PDE10A: variants seen among roughly 807,000 people sequenced by gnomAD.
PDE10A encodes the protein phosphodiesterase 10A.
Under a neutral mutation model 97.7 loss-of-function variants are expected in PDE10A, and 39 were observed. The observed-to-expected ratio is 0.40, with a 90% CI of 0.31 to 0.52. PDE10A has a LOEUF of 0.52. Among genes scored for constraint, PDE10A ranks in the 20% least tolerant of loss-of-function variants. The pLI, the probability that PDE10A is intolerant of heterozygous loss-of-function variation, is 0.56. For missense variants in PDE10A, 731 were observed against 1,047.8 expected (o/e 0.70, Z 4.17); for synonymous variants, 371 against 376.8 (o/e 0.98, Z 0.18).
chr6:165,864,691 A>T (rs532853040), intron 1 of PDE10A, among the ~76,000 whole-genome samples: 1 of 152,340 alleles, frequency 6.6e-6, no homozygotes, highest in South Asian at 2.1e-4. Context: ...ACATGGACAG[A>T]TATTTTAATA....
At chr6:165,967,046 GA>G (rs1355787577) in intron 1 of PDE10A, among the ~76,000 whole-genome samples, 2 of 152,134 alleles carry the variant, frequency 1.3e-5, no homozygotes, top group African/African-American at 2.4e-5. Context: ...AAATGAGTGA[GA>G]AGAGGGAACT....
chr6:165,829,333 T>C (rs1165765605), intron 1 of PDE10A, among the ~76,000 whole-genome samples: 1 of 152,136 alleles, frequency 6.6e-6, no homozygotes, highest in Non-Finnish European at 1.5e-5. Flanking sequence ...GGGCTCATGA[T>C]CTCATCGGCC....
At position 165,661,955 on chromosome 6, in the gene PDE10A, A is replaced by G; in HGVS notation, c.857T>C (p.Leu286Pro). 1 of 1,078,794 alleles carries G rather than the reference A, an allele frequency of 9.3e-7. No individual in the cohort carries two copies. Among genetic ancestry groups the G allele is most frequent in the Non-Finnish European group, 1.4e-6 (1 of 721,352 alleles). The allele number at this position is 1,078,794 out of a possible 1,614,324, so 66.8% of individuals were successfully genotyped here. ...GGGAGCAGGCCACTTACTGGGGCTCAGGAAGCACTCGGTCAGCCTTCGGAA... is the reference window on the plus strand; with the variant it reads ...GGGAGCAGGCCACTTACTGGGGCTCGGGAAGCACTCGGTCAGCCTTCGGAA... ...SCFRRLTECF[L>P]SPSLTDEKVK... is the part of the protein sequence containing the mutation. Residue 286 changes from leucine to proline, a missense_variant, in exon 1 of 22, where the codon CTG becomes CCG. By Grantham distance (98) the Leu-to-Pro change is moderately conservative. Around this residue, in one of 8 missense-constraint regions of PDE10A, gnomAD observed 181 missense variants for 159.1 expected, o/e 1.14. Transcript: ENST00000539869. This position sits in a 1 kb window ranked among gnomAD's most constrained non-coding sequence, Gnocchi z 4.8.
intron 1 of PDE10A, among the ~76,000 whole-genome samples, chr6:165,619,679 C>G (rs201025362): frequency 7.0e-4 from 84 of 119,458 alleles, no homozygotes; most frequent in African/African-American, 2.7e-3. Context: ...GTAGTGTAGT[C>G]TAGTGTAGTG....
intron 1 of PDE10A, among the ~76,000 whole-genome samples, chr6:165,863,910 A>T (rs1780973166): frequency 6.6e-6 from 1 of 152,232 alleles, no homozygotes; most frequent in African/African-American, 2.4e-5. Context: ...GATGTAACCA[A>T]CTTGAAGCAT....
chr6:165,551,408 A>G (rs1308945246), intron 1 of PDE10A, among the ~76,000 whole-genome samples: 1 of 152,254 alleles, frequency 6.6e-6, no homozygotes, highest in African/African-American at 2.4e-5. Context: ...TGCTCTCTGC[A>G]TATAAGATAC....
chr6:165,701,222 C>G (rs1402858242), intron 1 of PDE10A, among the ~76,000 whole-genome samples: 1 of 152,142 alleles, frequency 6.6e-6, no homozygotes, highest in Non-Finnish European at 1.5e-5. Flanking sequence ...GAAAGCCTGC[C>G]GAAGAGTGAC....
At chr6:165,534,031 G>T (rs1782935723) in intron 2 of PDE10A, among the ~76,000 whole-genome samples, 1 of 151,836 alleles carries the variant, frequency 6.6e-6, no homozygotes, top group South Asian at 2.1e-4. Context: ...ATGAGAATAG[G>T]CAATTTTATG....
intron 1 of PDE10A, among the ~76,000 whole-genome samples, chr6:165,886,872 TA>T (rs1405909122): frequency 6.6e-6 from 1 of 152,174 alleles, no homozygotes; most frequent in East Asian, 1.9e-4. Flanking sequence ...CTGGGAAGCA[TA>T]ATGCCATCTT....
intron 1 of PDE10A, among the ~76,000 whole-genome samples, chr6:165,863,420 A>C (rs1041679956): frequency 3.9e-5 from 6 of 152,228 alleles, no homozygotes; most frequent in Non-Finnish European, 7.3e-5. Flanking sequence ...ACTAGAAAGA[A>C]GCATTCAACC....
chr6:165,328,542 T>C lies in PDE10A; in HGVS notation c.*4483A>G, dbSNP rs1372677222. 1.3e-5 allele frequency: 2 copies of C among 152,208 alleles called. No individual in the cohort carries two copies. Among genetic ancestry groups the C allele is most frequent in the Non-Finnish European group, 2.9e-5 (2 of 68,050 alleles). 9.4% of individuals were successfully genotyped at this position (152,208 alleles called of 1,614,324 possible). ...TCACAGGGCCACACCTGGCCCTGTG[T>C]GCCATTGATTAGTTTTCTCCCACTT... On this transcript the variant is annotated 3_prime_UTR_variant, in exon 22 of 22. Coordinates refer to ENST00000539869, the MANE Select transcript of PDE10A (RefSeq NM_001385079.1).
At chr6:165,441,395 G>GT (rs955204470) in intron 5 of PDE10A, among the ~76,000 whole-genome samples, 4 of 152,110 alleles carry the variant, frequency 2.6e-5, no homozygotes, top group Non-Finnish European at 5.9e-5. Flanking sequence ...ATTTAGCACA[G>GT]TTTTTTGGTA....
chr6:165,633,310 T>TGG (rs1378423097), intron 1 of PDE10A, among the ~76,000 whole-genome samples: 1 of 152,142 alleles, frequency 6.6e-6, no homozygotes, highest in African/African-American at 2.4e-5. Context: ...GGGCACAGGT[T>TGG]GGCACACCCA....
chr6:165,847,020 T>C (rs1049792762), intron 1 of PDE10A, among the ~76,000 whole-genome samples: 1 of 152,184 alleles, frequency 6.6e-6, no homozygotes, highest in Non-Finnish European at 1.5e-5. Context: ...AGACACACGT[T>C]AGGGCGTGTT....
intron 1 of PDE10A, among the ~76,000 whole-genome samples, chr6:165,551,594 G>C (rs1251599295): frequency 1.3e-5 from 2 of 152,204 alleles, no homozygotes; most frequent in African/African-American, 4.8e-5. Flanking sequence ...ATTGGCCACA[G>C]AAGCAATAAT....
chr6:165,616,418 C>CA (rs1327827117), intron 1 of PDE10A, among the ~76,000 whole-genome samples: 12 of 150,994 alleles, frequency 7.9e-5, no homozygotes, highest in South Asian at 6.3e-4. Flanking sequence ...AAACACTTTT[C>CA]AAAAAAAAAT....
At chr6:165,791,344 C>T (rs926838000) in intron 1 of PDE10A, among the ~76,000 whole-genome samples, 1 of 152,102 alleles carries the variant, frequency 6.6e-6, no homozygotes, top group African/African-American at 2.4e-5. Context: ...CCTATGCTGC[C>T]ACATATTGCA....
At chr6:165,618,670 A>G (rs781335473) in intron 1 of PDE10A, among the ~76,000 whole-genome samples, 8 of 152,160 alleles carry the variant, frequency 5.3e-5, no homozygotes, top group Non-Finnish European at 1.0e-4. Flanking sequence ...CTGACATGCA[A>G]TGAAGTCAGC....
chr6:165,521,175 G>A (rs181465125), intron 2 of PDE10A, among the ~76,000 whole-genome samples: 2 of 152,104 alleles, frequency 1.3e-5, no homozygotes, highest in South Asian at 2.1e-4. Context: ...TGTTTGGAGA[G>A]CTACAAACCA....
Sources: allele counts gnomAD v4.1 joint callset (sites outside exome capture counted in the v4.1 genomes callset), GRCh38; gene constraint gnomAD v4.1.1; regional missense constraint gnomAD v4.1.1; non-coding constraint Gnocchi (gnomAD v3.1); transcripts MANE v1.5; gene names NCBI Gene and HGNC (gene_info 2026-07-23, HGNC 2026-07-21).